MROH2B: variants seen among roughly 807,000 people sequenced by gnomAD.
MROH2B encodes maestro heat like repeat family member 2B, also known as maestro heat-like repeat-containing protein family member 2B.
Under a neutral mutation model 208.6 loss-of-function variants are expected in MROH2B, and 177 were observed. The ratio of observed to expected loss-of-function variants is 0.85; its 90% CI spans 0.75 to 0.96. The LOEUF is 0.96. MROH2B is among the 40% of genes least tolerant of loss of function. MROH2B has a pLI of 0.00. For missense variants in MROH2B, 2,002 were observed against 1,878.7 expected (o/e 1.07, Z -1.21); for synonymous variants, 728 against 659.0 (o/e 1.10, Z -1.60).
intron 19 of MROH2B, among the ~76,000 whole-genome samples, chr5:41,040,655 A>G (rs750855165): frequency 5.9e-5 from 9 of 152,066 alleles, no homozygotes; most frequent in Non-Finnish European, 1.3e-4. Context: ...GCTCAATTGG[A>G]CGTCACAATT....
chr5:41,005,183 C>T, intron 35 of MROH2B: 4 of 535,228 alleles, frequency 7.5e-6, no homozygotes, highest in Admixed American at 3.4e-5. Flanking sequence ...GCAGGGAAAA[C>T]AGGAATGACT....
intron 21 of MROH2B, 159 bp from the exon 22 acceptor site, chr5:41,034,023 A>T: frequency 1.0e-6 from 1 of 984,662 alleles, no homozygotes; most frequent in South Asian, 4.7e-5. Context: ...GGGGCAATTC[A>T]CTTCTTCCAT....
At position 41,058,172 on chromosome 5, in the gene MROH2B, G is replaced by A; in HGVS notation, c.647C>T (p.Thr216Met). ...TTCCCGATGCAGCAGCAAGCTCACCGTGGGCCCGTGGGCCTTAACGATGCT... is the reference window on the plus strand; with the variant it reads ...TTCCCGATGCAGCAGCAAGCTCACCATGGGCCCGTGGGCCTTAACGATGCT... ...TLSIVKAHGP[T>M]VSLLLHREDF... The change falls in exon 7 of 42, where the codon ACG (threonine) becomes ATG (methionine). Residue 216 changes from threonine to methionine, a missense_variant. Transcript: ENST00000399564. 1.9e-6 allele frequency: 3 copies of A among 1,600,098 alleles called. No homozygotes were observed. Among genetic ancestry groups the A allele is most frequent in the Non-Finnish European group, 2.6e-6 (3 of 1,172,954 alleles).
At chr5:41,027,824 G>C in intron 24 of MROH2B, among the ~76,000 whole-genome samples, 1 of 152,218 alleles carries the variant, frequency 6.6e-6, no homozygotes, top group Non-Finnish European at 1.5e-5. Flanking sequence ...TTAAGAAAAT[G>C]TGGCACATAT....
intron 24 of MROH2B, among the ~76,000 whole-genome samples, chr5:41,021,162 T>C (rs77740000): frequency 6.6e-6 from 1 of 152,052 alleles, no homozygotes; most frequent in African/African-American, 2.4e-5. Context: ...TGTTAAGAAA[T>C]GAACAAACTG....
At chr5:41,048,621 A>C (rs1200728589) in intron 15 of MROH2B, among the ~76,000 whole-genome samples, 156 bp from the exon 16 acceptor site, 1 of 152,242 alleles carries the variant, frequency 6.6e-6, no homozygotes, top group Non-Finnish European at 1.5e-5. Context: ...TCTAGAATGA[A>C]GCTAATACTT....
chr5:41,048,319 T>C lies in MROH2B; in HGVS notation c.1684+5A>G. Reference sequence around the variant, plus strand: ...GGGTAAAGACCTGGCCCCAATCCCTTGTACCTTCCAGAGGCTGCAGAAGCT... The same window carrying C: ...GGGTAAAGACCTGGCCCCAATCCCTCGTACCTTCCAGAGGCTGCAGAAGCT... On this transcript the variant is annotated splice_donor_5th_base_variant and intron_variant, in intron 16 of 41. Coordinates refer to ENST00000399564, the MANE Select transcript of MROH2B (RefSeq NM_173489.5). 6.2e-7 allele frequency: 1 copy of C among 1,611,518 alleles called. No homozygotes were observed. The highest frequency in any genetic ancestry group is 1.3e-5 in the African/African-American group (1 of 74,938).
At chr5:41,006,218 AC>A (rs1741587081) in intron 34 of MROH2B, among the ~76,000 whole-genome samples, 1 of 152,304 alleles carries the variant, frequency 6.6e-6, no homozygotes, top group South Asian at 2.1e-4. Context: ...CAAATGGCCA[AC>A]AAACATATGG....
intron 2 of MROH2B, 45 bp downstream of exon 2, chr5:41,069,646 A>T (rs1743922099): frequency 7.0e-7 from 1 of 1,436,790 alleles, no homozygotes; most frequent in Non-Finnish European, 9.6e-7. Context: ...ATGTTGCAAC[A>T]AGAAGACTGA....
intron 37 of MROH2B, among the ~76,000 whole-genome samples, chr5:41,002,374 T>C (rs1227217073): frequency 6.6e-6 from 1 of 152,092 alleles, no homozygotes; most frequent in Non-Finnish European, 1.5e-5. Flanking sequence ...AGGGTGACAG[T>C]GTGGGGAATA....
At chr5:41,001,733 A>G (rs1741404980) in intron 37 of MROH2B, among the ~76,000 whole-genome samples, 1 of 152,122 alleles carries the variant, frequency 6.6e-6, no homozygotes, top group East Asian at 1.9e-4. Flanking sequence ...AGAAAGAAAA[A>G]AAAAAGAAAA....
intron 19 of MROH2B, among the ~76,000 whole-genome samples, chr5:41,040,779 C>G (rs1006127657): frequency 1.1e-4 from 16 of 152,126 alleles, no homozygotes; most frequent in Non-Finnish European, 1.6e-4. Flanking sequence ...GATTCTCTTG[C>G]CTCAGCCTCC....
chr5:41,061,569 C>T lies in MROH2B; in HGVS notation c.615+1G>A. On this transcript the variant is annotated splice_donor_variant, in intron 6 of 41. Transcript: ENST00000399564. LOFTEE classifies it high-confidence loss of function. ...CTTGAGGCATCCTGAGGCCCACTCA[C>T]CTGCATGGGTGAGGCCAAAGGGGCC... 3 of 1,609,172 alleles carry T rather than the reference C, an allele frequency of 1.9e-6. No individual in the cohort carries two copies. The highest frequency in any genetic ancestry group is 1.1e-5 in the South Asian group (1 of 89,974).
chr5:41,069,801 C>A (rs1357594828), intron 1 of MROH2B, 49 bp from the exon 2 acceptor site: 1 of 1,340,058 alleles, frequency 7.5e-7, no homozygotes, highest in East Asian at 2.4e-5. Context: ...GAAATGCCCT[C>A]CTGTTAATTA....
rs1230003942 is a variant in MROH2B, at chr5:41,012,478, G to A, written c.3135+105C>T. 1.6e-5 allele frequency: 20 copies of A among 1,249,970 alleles called. No homozygotes were observed. In the East Asian group the frequency reaches 4.0e-4, roughly 25 times the overall value. 77.4% of individuals were successfully genotyped at this position (1,249,970 alleles called of 1,614,324 possible). ...AATGAGGCCTCTTGAGGTTGTGCAA[G>A]CCTTTGCATGCTGCCCATCAGTGGA... is the stretch of plus-strand genomic sequence containing the variant. On this transcript the variant is annotated intron_variant, in intron 30 of 41. Coordinates refer to ENST00000399564, the MANE Select transcript of MROH2B (RefSeq NM_173489.5).
chr5:41,065,981 A>T (rs1033251845), intron 3 of MROH2B, among the ~76,000 whole-genome samples: 1 of 152,218 alleles, frequency 6.6e-6, no homozygotes, highest in African/African-American at 2.4e-5. Flanking sequence ...AGAGGTAATT[A>T]GAGTGAATTT....
At chr5:41,050,879 T>C (rs1025357015) in intron 13 of MROH2B, 98 bp downstream of exon 13, 19 of 780,544 alleles carry the variant, frequency 2.4e-5, no homozygotes, top group African/African-American at 9.1e-5. Context: ...AGGAAGCTGA[T>C]GACAAATGGA....
intron 37 of MROH2B, among the ~76,000 whole-genome samples, chr5:41,003,240 C>T (rs1051715869): frequency 2.0e-5 from 3 of 152,096 alleles, no homozygotes; most frequent in East Asian, 1.9e-4. Flanking sequence ...GGATTACAGG[C>T]GTGAGCCACC....
intron 29 of MROH2B, among the ~76,000 whole-genome samples, chr5:41,014,928 A>T (rs916464523): frequency 2.0e-5 from 3 of 152,210 alleles, no homozygotes. Flanking sequence ...CTGCTTTCTT[A>T]GTGCCTAGAA....
Sources: allele counts gnomAD v4.1 joint callset (sites outside exome capture counted in the v4.1 genomes callset), GRCh38; gene constraint gnomAD v4.1.1; transcripts MANE v1.5; gene names NCBI Gene and HGNC (gene_info 2026-07-23, HGNC 2026-07-21).